TNIK: variants seen among roughly 807,000 people sequenced by gnomAD.
TNIK encodes the protein TRAF2 and NCK interacting kinase.
A neutral mutation model predicts 191.3 loss-of-function variants in TNIK; 49 were observed. The observed-to-expected ratio is 0.26, with a 90% CI of 0.20 to 0.32. TNIK has a LOEUF of 0.32. TNIK is among the 10% of genes least tolerant of loss of function. TNIK has a pLI of 1.00. For missense variants in TNIK, 1,155 were observed against 1,702.3 expected (o/e 0.68, Z 5.66); for synonymous variants, 594 against 600.9 (o/e 0.99, Z 0.17).
At chr3:171,182,567 A>G (rs923872131) in intron 7 of TNIK, among the ~76,000 whole-genome samples, 11 of 152,142 alleles carry the variant, frequency 7.2e-5, no homozygotes, top group African/African-American at 2.4e-4. Flanking sequence ...CATGATTAAT[A>G]CCCTAGCGCT....
At chr3:171,397,777 T>C (rs1371487578) in intron 1 of TNIK, among the ~76,000 whole-genome samples, 1 of 152,202 alleles carries the variant, frequency 6.6e-6, no homozygotes, top group Non-Finnish European at 1.5e-5. Context: ...TCCAAATACA[T>C]TAGATATTAG....
intron 4 of TNIK, among the ~76,000 whole-genome samples, chr3:171,208,419 A>G (rs927383788): frequency 5.3e-5 from 8 of 152,302 alleles, no homozygotes; most frequent in Non-Finnish European, 8.8e-5. Flanking sequence ...ACTACCTCAA[A>G]TATTTTCAAC....
chr3:171,289,901 CAAAAAAAAA>C (rs143704401), intron 2 of TNIK, among the ~76,000 whole-genome samples: 4 of 77,856 alleles, frequency 5.1e-5, no homozygotes, highest in Admixed American at 4.3e-4. Flanking sequence ...GACTCCGTCT[CAAAAAAAAA>C]AAAAAAAAAA....
chr3:171,317,570 C>G (rs1300731914), intron 2 of TNIK, among the ~76,000 whole-genome samples: 1 of 152,160 alleles, frequency 6.6e-6, no homozygotes, highest in African/African-American at 2.4e-5. Context: ...AAACAACTAC[C>G]TCTTTGCCCG....
In TNIK at chr3:171,129,577, G is replaced by A. The variant is rs563013091; in HGVS notation, c.1609-699C>T. Among the ~76,000 whole-genome samples the A allele has an allele frequency of 1.6e-4, 24 of 152,006 alleles. No homozygotes were observed. The South Asian group carries it at 4.8e-3, about 30-fold the overall frequency. ...CTTGCTCTCCCCTTTCTTCCTCCCT[G>A]TTTCTACACATGTGGTGTTCATTCT... On this transcript the variant is annotated intron_variant, in intron 15 of 32. Coordinates refer to ENST00000436636, the MANE Select transcript of TNIK (RefSeq NM_015028.4).
intron 24 of TNIK, among the ~76,000 whole-genome samples, chr3:171,086,614 C>T (rs1311601344): frequency 6.6e-6 from 1 of 152,202 alleles, no homozygotes; most frequent in Non-Finnish European, 1.5e-5. Flanking sequence ...ATCATAAAAA[C>T]TTAGTGTGTG....
chr3:171,174,246 G>A (rs530732065), intron 9 of TNIK, among the ~76,000 whole-genome samples: 53 of 152,266 alleles, frequency 3.5e-4, no homozygotes, highest in African/African-American at 1.2e-3. Flanking sequence ...GTAGAGGTGA[G>A]CCTGTGTGTG....
intron 23 of TNIK, among the ~76,000 whole-genome samples, chr3:171,088,748 C>T (rs749624106): frequency 6.6e-6 from 1 of 152,188 alleles, no homozygotes; most frequent in Non-Finnish European, 1.5e-5. Context: ...TTTCCAAAAG[C>T]CAGTGCCCAC....
intron 1 of TNIK, among the ~76,000 whole-genome samples, chr3:171,387,416 G>A (rs1206179459): frequency 1.3e-5 from 2 of 152,174 alleles, no homozygotes; most frequent in Non-Finnish European, 2.9e-5. Context: ...TTGCCAGTGT[G>A]TGTAACTAAA....
At chr3:171,319,597 G>A (rs62281611) in intron 2 of TNIK, among the ~76,000 whole-genome samples, 23,279 of 152,046 alleles carry the variant, frequency 0.15, 1,981 homozygotes, top group Middle Eastern at 0.19. Flanking sequence ...TGGCTGACCC[G>A]ACAGACAAAT....
At chr3:171,183,990 A>G (rs1044443297) in intron 7 of TNIK, among the ~76,000 whole-genome samples, 5 of 151,228 alleles carry the variant, frequency 3.3e-5, no homozygotes, top group Admixed American at 1.3e-4. Context: ...ACACAAAACT[A>G]TCTATAATAT....
intron 15 of TNIK, among the ~76,000 whole-genome samples, chr3:171,133,415 T>TACA (rs1254918878): frequency 6.6e-6 from 1 of 152,250 alleles, no homozygotes; most frequent in Non-Finnish European, 1.5e-5. Context: ...CCTCATGAGC[T>TACA]ACAACAGTCT....
At chr3:171,117,824 G>T (rs1463184224) in intron 18 of TNIK, among the ~76,000 whole-genome samples, 2 of 152,140 alleles carry the variant, frequency 1.3e-5, no homozygotes, top group African/African-American at 4.8e-5. Context: ...CAAAAAATTA[G>T]CTGGGCTTGG....
intron 17 of TNIK, 31 bp from the exon 18 acceptor site, chr3:171,123,733 C>T (rs1478227184): frequency 1.3e-6 from 2 of 1,527,160 alleles, no homozygotes; most frequent in East Asian, 2.4e-5. Flanking sequence ...GAAATATTTT[C>T]CATAAAGTAG....
chr3:171,412,219 G>A (rs1384055767), intron 1 of TNIK, among the ~76,000 whole-genome samples: 2 of 152,144 alleles, frequency 1.3e-5, no homozygotes. Flanking sequence ...CCAACATTAG[G>A]CAGACAGGGT....
rs201896730 is a variant in TNIK at position 171,148,293 on chromosome 3, C to CTGAG, written c.1222-7788_1222-7785dup. Among the ~76,000 whole-genome samples, 345 of 152,358 alleles carry CTGAG rather than the reference C, an allele frequency of 2.3e-3. 6 individuals carry two copies. Among genetic ancestry groups the CTGAG allele is most frequent in the Admixed American group, 0.017 (262 of 15,308 alleles). On this transcript the variant is annotated intron_variant, in intron 12 of 32. Transcript: ENST00000436636. ...AAGAGGCATGACAGTTCTAAACAGA[C>CTGAG]TGAGCTTCACGAAGCGGTGCAGAAG...
At chr3:171,268,010 C>T (rs1183851286) in intron 2 of TNIK, among the ~76,000 whole-genome samples, 1 of 152,050 alleles carries the variant, frequency 6.6e-6, no homozygotes, top group Admixed American at 6.5e-5. Flanking sequence ...CAGCATGACC[C>T]TTCCATTGCA....
intron 3 of TNIK, among the ~76,000 whole-genome samples, chr3:171,214,684 C>T (rs925690588): frequency 3.9e-5 from 6 of 152,038 alleles, no homozygotes; most frequent in African/African-American, 1.2e-4. Flanking sequence ...AAGCCAAGTC[C>T]GGTACTCTAG....
At chr3:171,170,095 ACATT>A (rs1392294559) in intron 9 of TNIK, among the ~76,000 whole-genome samples, 9 of 152,246 alleles carry the variant, frequency 5.9e-5, no homozygotes, top group Admixed American at 5.2e-4. Flanking sequence ...AGTTTAAAGT[ACATT>A]TATATAACTT....
Sources: allele counts gnomAD v4.1 joint callset (sites outside exome capture counted in the v4.1 genomes callset), GRCh38; gene constraint gnomAD v4.1.1; transcripts MANE v1.5; gene names NCBI Gene and HGNC (gene_info 2026-07-23, HGNC 2026-07-21).